Variants in REL observed in about 807,000 individuals in gnomAD.
REL encodes REL proto-oncogene, NF-kB subunit.
REL carries 15 observed loss-of-function variants against 45.9 expected under a neutral mutation model. The ratio of observed to expected loss-of-function variants is 0.33; its 90% CI spans 0.22 to 0.50. REL has a LOEUF of 0.50. Ranked by LOEUF, REL falls within the 20% of genes least tolerant of loss-of-function variation. The pLI is 0.98. For missense variants in REL, 601 were observed against 715.2 expected (o/e 0.84, Z 1.82); for synonymous variants, 239 against 242.1 (o/e 0.99, Z 0.12).
chr2:60,921,929 C>A lies in REL; in HGVS notation c.1158C>A (p.Pro386=), dbSNP rs768870123. Residue 386 remains proline, a synonymous_variant, in exon 10 of 10, where the codon CCC becomes CCA. Transcript: ENST00000394479. The part of the protein sequence containing the change: ...PSSSWSSVAH[P]TPRSGNTNPL... ...CAAGCTGGTCATCAGTGGCCCACCC[C>A]ACCCCACGCTCAGGCAATACAAACC... 3.1e-6 allele frequency: 5 copies of A among 1,614,016 alleles called. No individual in the cohort carries two copies. Among genetic ancestry groups the A allele is most frequent in the Non-Finnish European group, 4.2e-6 (5 of 1,180,034 alleles).
At chr2:60,921,553 A>G (rs1171846550) in intron 9 of REL, among the ~76,000 whole-genome samples, 1 of 152,162 alleles carries the variant, frequency 6.6e-6, no homozygotes, top group Non-Finnish European at 1.5e-5. Context: ...TTTTACCTGT[A>G]TTTGTAAAAT....
At chr2:60,895,462 G>T (rs533100466) in intron 3 of REL, among the ~76,000 whole-genome samples, 1 of 152,154 alleles carries the variant, frequency 6.6e-6, no homozygotes, top group Non-Finnish European at 1.5e-5. Flanking sequence ...GATTACAGGC[G>T]TGAGCTGCTG....
In REL at chr2:60,926,570, T is replaced by G. The variant is rs1219250512; in HGVS notation, c.*4035T>G. The G allele has an allele frequency of 8.6e-6, 2 of 231,402 alleles. No homozygotes were observed. The highest frequency in any genetic ancestry group is 1.7e-5 in the Non-Finnish European group (2 of 116,852). 14.3% of individuals were successfully genotyped at this position (231,402 alleles called of 1,614,324 possible). On this transcript the variant is annotated 3_prime_UTR_variant, in exon 10 of 10. Coordinates refer to ENST00000394479, the MANE Select transcript of REL (RefSeq NM_001291746.2). ...CATGAGTCTTGACCCCTCCCCTCAG[T>G]TGGTGCTATTTCCCCCTACCCGCCC...
chr2:60,923,470 A>G lies in REL; in HGVS notation c.*935A>G, dbSNP rs545718121. On this transcript the variant is annotated 3_prime_UTR_variant, in exon 10 of 10. Transcript: ENST00000394479. ...GATCTCATAAAACTGCCTATTTGAC[A>G]TCTCTATCTAGAAATCTAATTAAAG... 5.5e-4 allele frequency: 127 copies of G among 232,372 alleles called. No homozygotes were observed. Among genetic ancestry groups the G allele is most frequent in the African/African-American group, 2.6e-3 (118 of 45,402 alleles). 14.4% of individuals were successfully genotyped at this position (232,372 alleles called of 1,614,324 possible).
intron 4 of REL, among the ~76,000 whole-genome samples, chr2:60,906,913 A>ATATATATATTTT (rs1311506982): frequency 9.6e-6 from 1 of 104,306 alleles, no homozygotes; most frequent in Non-Finnish European, 1.8e-5. Flanking sequence ...ATATATATAT[A>ATATATATATTTT]TTTTTTTTTT....
chr2:60,901,212 A>G (rs1482079721), intron 4 of REL, 129 bp downstream of exon 4: 19 of 1,168,610 alleles, frequency 1.6e-5, no homozygotes, highest in African/African-American at 1.5e-4. Flanking sequence ...CTGGAGTGCA[A>G]TGGCGCGATC....
chr2:60,889,283 C>T (rs1177781149), intron 1 of REL, among the ~76,000 whole-genome samples: 1 of 152,132 alleles, frequency 6.6e-6, no homozygotes, highest in Non-Finnish European at 1.5e-5. Flanking sequence ...ATTCCTGACT[C>T]TTTCGCTCTT....
At position 60,929,032 on chromosome 2, in the gene REL, AAAG is replaced by A; in HGVS notation, c.*6502_*6504del. 6.7e-6 allele frequency: 1 copy of A among 149,840 alleles called. No homozygotes were observed. The highest frequency in any genetic ancestry group is 6.6e-5 in the Admixed American group (1 of 15,076). 9.3% of individuals were successfully genotyped at this position (149,840 alleles called of 1,614,324 possible). A position where few individuals can be genotyped will look rare whatever the true frequency, so the allele number is the denominator to read the frequency against. On this transcript the variant is annotated 3_prime_UTR_variant, in exon 10 of 10. Coordinates refer to ENST00000394479, the MANE Select transcript of REL (RefSeq NM_001291746.2). ...GAAGGACATGAACAGACACTTCTCA[AAAG>A]AAGACATTTATGCAGCCAAAAAACA...
rs1023915483 is a variant in REL, at chr2:60,927,695, C to G, written c.*5160C>G. 8.7e-6 allele frequency: 2 copies of G among 229,438 alleles called. No homozygotes were observed. Among genetic ancestry groups the G allele is most frequent in the Admixed American group, 1.1e-4 (2 of 17,682 alleles). The allele number at this position is 229,438 out of a possible 1,614,324, so 14.2% of individuals were successfully genotyped here. Reference sequence around the variant, plus strand: ...GGTGAATAAGACAAAAACTCTTGCTCTCAAAGATGTCAGTCTTTTTCTTTG... The same window carrying G: ...GGTGAATAAGACAAAAACTCTTGCTGTCAAAGATGTCAGTCTTTTTCTTTG... On this transcript the variant is annotated 3_prime_UTR_variant, in exon 10 of 10. Coordinates refer to ENST00000394479, the MANE Select transcript of REL (RefSeq NM_001291746.2).
At chr2:60,920,890 C>T (rs1674123406) in intron 9 of REL, among the ~76,000 whole-genome samples, 1 of 152,100 alleles carries the variant, frequency 6.6e-6, no homozygotes, top group South Asian at 2.1e-4. Context: ...TTATTAATTA[C>T]ATTGCGTTAT....
chr2:60,881,674 G>T lies in REL; in HGVS notation c.-167G>T, dbSNP rs1224047711. On this transcript the variant is annotated 5_prime_UTR_variant, in exon 1 of 10. Transcript: ENST00000394479. The stretch of plus-strand genomic sequence containing the variant: ...AAGAATTCAGGGGTTGGGAAGGTGT[G>T]AGCCGCAAACCCAGCGGAGGGCGGG... 8 of 563,008 alleles carry T rather than the reference G, an allele frequency of 1.4e-5. No individual in the cohort carries two copies. The highest frequency in any genetic ancestry group is 2.5e-5 in the Non-Finnish European group (8 of 320,556). 34.9% of individuals were successfully genotyped at this position (563,008 alleles called of 1,614,324 possible).
In REL at chr2:60,891,561, T is replaced by A; in HGVS notation, c.11-122T>A. On this transcript the variant is annotated intron_variant, in intron 1 of 9. Coordinates refer to ENST00000394479, the MANE Select transcript of REL (RefSeq NM_001291746.2). Reference sequence around the variant, plus strand: ...AAGATAACATTTCGGTCTTGTTATTTAATGTTAGGAGGAAAAAAATCTTTG... The same window carrying A: ...AAGATAACATTTCGGTCTTGTTATTAAATGTTAGGAGGAAAAAAATCTTTG... 3.5e-6 allele frequency: 3 copies of A among 864,660 alleles called. No individual in the cohort carries two copies. In the South Asian group the frequency reaches 6.1e-5, roughly 18 times the overall value. 53.6% of individuals were successfully genotyped at this position (864,660 alleles called of 1,614,324 possible). A position where few individuals can be genotyped will look rare whatever the true frequency, so the allele number is the denominator to read the frequency against.
intron 4 of REL, among the ~76,000 whole-genome samples, chr2:60,915,366 C>T (rs1245714737): frequency 6.6e-6 from 1 of 152,104 alleles, no homozygotes; most frequent in African/African-American, 2.4e-5. Flanking sequence ...CTCATATTGC[C>T]TACACAATAG....
intron 5 of REL, among the ~76,000 whole-genome samples, chr2:60,917,703 T>C (rs899033549): frequency 2.7e-5 from 4 of 150,328 alleles, no homozygotes; most frequent in African/African-American, 5.0e-5. Flanking sequence ...TGTGTGTGTG[T>C]GTGTGTGTGT....
In REL at chr2:60,927,063, C is replaced by A; in HGVS notation, c.*4528C>A. On this transcript the variant is annotated 3_prime_UTR_variant, in exon 10 of 10. Transcript: ENST00000394479. ...CTGGGCTTCTGTATGAAGGTTGGTC[C>A]TGCCTCCTTACTTGAGGTGAAGCTT... 1 of 228,114 alleles carries A rather than the reference C, an allele frequency of 4.4e-6. No homozygotes were observed. Among genetic ancestry groups the A allele is most frequent in the South Asian group, 1.8e-4 (1 of 5,488 alleles). 14.1% of individuals were successfully genotyped at this position (228,114 alleles called of 1,614,324 possible).
Position 60,923,247 on chromosome 2 carries a change from T to C in REL, c.*712T>C, listed in dbSNP as rs1397726932. ...TTCTTGGAGCTTAGATTTGTATGTA[T>C]ATCAAAATGTCTTTAAAATGTTAAG... On this transcript the variant is annotated 3_prime_UTR_variant, in exon 10 of 10. Transcript: ENST00000394479. The C allele has an allele frequency of 1.9e-5, 4 of 213,820 alleles. No homozygotes were observed. The East Asian group carries it at 2.8e-4, about 15-fold the overall frequency. 13.2% of individuals were successfully genotyped at this position (213,820 alleles called of 1,614,324 possible). A position where few individuals can be genotyped will look rare whatever the true frequency, so the allele number is the denominator to read the frequency against.
rs1674253944 is a variant in REL, at chr2:60,925,804, T to C, written c.*3269T>C. ...GCATGGGTTTTTTTCTTTAAACTAA[T>C]TAAGCGTTGGCTACTTAGTATAAGT... On this transcript the variant is annotated 3_prime_UTR_variant, in exon 10 of 10. Coordinates refer to ENST00000394479, the MANE Select transcript of REL (RefSeq NM_001291746.2). The C allele has an allele frequency of 4.7e-6, 1 of 212,946 alleles. No homozygotes were observed. The highest frequency in any genetic ancestry group is 9.5e-6 in the Non-Finnish European group (1 of 104,914). The allele number at this position is 212,946 out of a possible 1,614,324, so 13.2% of individuals were successfully genotyped here.
intron 3 of REL, among the ~76,000 whole-genome samples, chr2:60,897,067 C>G (rs561268403): frequency 4.0e-5 from 6 of 151,274 alleles, no homozygotes; most frequent in Admixed American, 2.6e-4. Context: ...TAAAGAAGAA[C>G]TTTCCCTTCC....
rs561660110 is a variant in REL, at chr2:60,920,398, G to A, written c.923-176G>A. 4.0e-5 allele frequency: 26 copies of A among 652,348 alleles called. No homozygotes were observed. The highest frequency in any genetic ancestry group is 1.5e-4 in the South Asian group (9 of 58,488). The allele number at this position is 652,348 out of a possible 1,614,324, so 40.4% of individuals were successfully genotyped here. A position where few individuals can be genotyped will look rare whatever the true frequency, so the allele number is the denominator to read the frequency against. On this transcript the variant is annotated intron_variant, in intron 8 of 9. Transcript: ENST00000394479. ...GTATTTTTAGTAGAAACAGGGTTTC[G>A]CCATGTTGACCAGGATGGTCTTGAA... is the stretch of plus-strand genomic sequence containing the variant.
Sources: gnomAD v4.1 joint callset for allele counts (sites outside exome capture counted in the v4.1 genomes callset) on GRCh38, gnomAD v4.1.1 for gene constraint, MANE v1.5 for transcripts, NCBI Gene and HGNC (gene_info 2026-07-23, HGNC 2026-07-21) for gene names.